Variants in TMEM165 observed in about 807,000 individuals in gnomAD.
The protein encoded by TMEM165 is putative divalent cation/proton antiporter TMEM165.
In TMEM165, 19 loss-of-function variants were observed where a neutral mutation model predicts 30.0. The ratio of observed to expected loss-of-function variants is 0.63; its 90% CI spans 0.44 to 0.93. The LOEUF is 0.93. Among genes scored for constraint, TMEM165 ranks in the 40% least tolerant of loss-of-function variants. The pLI is 0.00. For synonymous variants in TMEM165, 168 were observed against 162.9 expected (o/e 1.03, Z -0.24); for missense variants, 340 against 417.0 (o/e 0.82, Z 1.61).
chr4:55,438,742 T>C (rs1046571626), intron 3 of TMEM165, among the ~76,000 whole-genome samples: 2 of 152,184 alleles, frequency 1.3e-5, no homozygotes, highest in Non-Finnish European at 2.9e-5. Context: ...GCAAGATCAA[T>C]GTGTAACAAA....
rs1300356481 is a variant in TMEM165, at chr4:55,410,391, GT to G, written c.208-1220del. Among the ~76,000 whole-genome samples the G allele has an allele frequency of 4.6e-5, 7 of 152,232 alleles. No individual in the cohort carries two copies. The South Asian group carries it at 1.5e-3, about 32-fold the overall frequency. On this transcript the variant is annotated intron_variant, in intron 1 of 5. Coordinates refer to ENST00000381334, the MANE Select transcript of TMEM165 (RefSeq NM_018475.5). ...CAGCGTAATGACAGCCAAGACACTGGTTTGTCTTTTTCATTAGGCCACTTTA... is the reference window on the plus strand; with the variant it reads ...CAGCGTAATGACAGCCAAGACACTGGTTGTCTTTTTCATTAGGCCACTTTA...
intron 3 of TMEM165, among the ~76,000 whole-genome samples, chr4:55,436,032 G>A (rs879364073): frequency 7.2e-5 from 11 of 152,154 alleles, no homozygotes; most frequent in South Asian, 2.1e-4. Flanking sequence ...GGCCAGGAGC[G>A]TGGTGGGCCC....
At chr4:55,406,173 C>T (rs918489524) in intron 1 of TMEM165, among the ~76,000 whole-genome samples, 2 of 152,168 alleles carry the variant, frequency 1.3e-5, no homozygotes, top group Non-Finnish European at 2.9e-5. Context: ...TGAGTAAATA[C>T]AGAGCAGTGC....
chr4:55,438,136 C>G, intron 3 of TMEM165: 1 of 1,119,678 alleles, frequency 8.9e-7, no homozygotes, highest in South Asian at 1.6e-5. Context: ...CCAACCAGAA[C>G]AAGCTTTCTA....
intron 3 of TMEM165, among the ~76,000 whole-genome samples, chr4:55,435,936 A>G (rs770882075): frequency 1.3e-5 from 2 of 152,246 alleles, no homozygotes; most frequent in African/African-American, 4.8e-5. Context: ...AGTTATGACT[A>G]TATGAAAAAC....
Position 55,396,139 on chromosome 4 carries a change from C to T in TMEM165, c.-51C>T. ...GCTGTTCGGGGTCGAGGCTTCCCGT[C>T]GCCGGCACTTCCTCTTGCGGCGCCC... On this transcript the variant is annotated 5_prime_UTR_variant, in exon 1 of 6. Coordinates refer to ENST00000381334, the MANE Select transcript of TMEM165 (RefSeq NM_018475.5). 1 of 1,314,814 alleles carries T rather than the reference C, an allele frequency of 7.6e-7. No individual in the cohort carries two copies. The highest frequency in any genetic ancestry group is 2.3e-5 in the South Asian group (1 of 44,424). The allele number at this position is 1,314,814 out of a possible 1,614,324, so 81.4% of individuals were successfully genotyped here. A position where few individuals can be genotyped will look rare whatever the true frequency, so the allele number is the denominator to read the frequency against.
Position 55,412,393 on chromosome 4 carries a change from CAAAAAAAAAAAA to C in TMEM165, c.433+567_433+578del, listed in dbSNP as rs371124857. On this transcript the variant is annotated intron_variant, in intron 2 of 5. Coordinates refer to ENST00000381334, the MANE Select transcript of TMEM165 (RefSeq NM_018475.5). ...TGGGTGATAGAGTGAGACTCCATCTCAAAAAAAAAAAAAAAAAAAAAAAAGGGAGACTGTTAG... is the reference window on the plus strand; with the variant it reads ...TGGGTGATAGAGTGAGACTCCATCTCAAAAAAAAAAAAGGGAGACTGTTAG... Among the ~76,000 whole-genome samples, 16 of 54,376 alleles carry C rather than the reference CAAAAAAAAAAAA, an allele frequency of 2.9e-4. No individual in the cohort carries two copies. The South Asian group carries it at 6.4e-3, about 22-fold the overall frequency. The allele number at this position is 54,376 out of a possible 152,430, so 35.7% of individuals were successfully genotyped here.
At chr4:55,442,864 T>C (rs374932556) in intron 3 of TMEM165, among the ~76,000 whole-genome samples, 1 of 152,072 alleles carries the variant, frequency 6.6e-6, no homozygotes, top group East Asian at 1.9e-4. Context: ...AGGAGTGTGA[T>C]TGTAATAGAG....
chr4:55,421,247 A>G (rs1451202262), intron 4 of TMEM165, among the ~76,000 whole-genome samples: 1 of 148,792 alleles, frequency 6.7e-6, no homozygotes, highest in Admixed American at 6.7e-5. Flanking sequence ...CTAGTTAAAT[A>G]CTAGTTTATT....
intron 4 of TMEM165, among the ~76,000 whole-genome samples, chr4:55,419,322 T>G (rs901591726): frequency 6.6e-6 from 1 of 152,076 alleles, no homozygotes; most frequent in Non-Finnish European, 1.5e-5. Context: ...TGTAGGAACT[T>G]TTTGTTCAAA....
intron 4 of TMEM165, among the ~76,000 whole-genome samples, chr4:55,419,623 G>A (rs1038421242): frequency 6.6e-6 from 1 of 152,120 alleles, no homozygotes; most frequent in Non-Finnish European, 1.5e-5. Context: ...ATGTGGAGAC[G>A]GTTGTGGAAT....
At chr4:55,419,612 C>G (rs974890658) in intron 4 of TMEM165, among the ~76,000 whole-genome samples, 3 of 152,122 alleles carry the variant, frequency 2.0e-5, no homozygotes, top group Non-Finnish European at 4.4e-5. Context: ...ATTAAGATTT[C>G]ATGTGGAGAC....
At chr4:55,405,955 A>G (rs968424962) in intron 1 of TMEM165, among the ~76,000 whole-genome samples, 12 of 152,184 alleles carry the variant, frequency 7.9e-5, no homozygotes, top group African/African-American at 2.4e-4. Flanking sequence ...GAACATGCCT[A>G]TATTCTTTCA....
downstream of TMEM165, among the ~76,000 whole-genome samples, chr4:55,427,527 T>TAGAG (rs754975603): frequency 1.4e-5 from 2 of 144,822 alleles, no homozygotes; most frequent in Non-Finnish European, 3.1e-5. Context: ...GTATTTTCAG[T>TAGAG]AGAGACAGGG....
chr4:55,411,938 T>C, intron 2 of TMEM165, 99 bp downstream of exon 2: 3 of 1,158,060 alleles, frequency 2.6e-6, no homozygotes, highest in East Asian at 2.5e-5. Flanking sequence ...TTATGGGAAT[T>C]TGGCTTACAC....
chr4:55,419,721 G>A (rs950673487), intron 4 of TMEM165, among the ~76,000 whole-genome samples: 1 of 151,906 alleles, frequency 6.6e-6, no homozygotes, highest in African/African-American at 2.4e-5. Context: ...CTTTTTATAA[G>A]AGTAAAATTG....
intron 3 of TMEM165, among the ~76,000 whole-genome samples, chr4:55,441,174 CA>C (rs1723338712): frequency 6.6e-6 from 1 of 152,158 alleles, no homozygotes; most frequent in South Asian, 2.1e-4. Flanking sequence ...CTGTCCCCCT[CA>C]AAAGATAGAT....
At chr4:55,439,630 G>A (rs1392178187) in intron 3 of TMEM165, among the ~76,000 whole-genome samples, 9 of 152,098 alleles carry the variant, frequency 5.9e-5, no homozygotes, top group Admixed American at 3.3e-4. Flanking sequence ...ATTGACAGAC[G>A]GAATGAATAA....
intron 4 of TMEM165, 79 bp from the exon 5 acceptor site, chr4:55,424,459 A>T (rs934973997): frequency 4.9e-6 from 4 of 819,894 alleles, no homozygotes; most frequent in Non-Finnish European, 8.3e-6. Flanking sequence ...CACCATTTTT[A>T]GTGCTTCTGA....
Sources: allele counts gnomAD v4.1 joint callset (sites outside exome capture counted in the v4.1 genomes callset), GRCh38; gene constraint gnomAD v4.1.1; transcripts MANE v1.5; gene names NCBI Gene and HGNC (gene_info 2026-07-23, HGNC 2026-07-21).